ESRRG: variants seen among roughly 807,000 people sequenced by gnomAD.
ESRRG encodes estrogen-related receptor gamma.
Under a neutral mutation model 44.0 loss-of-function variants are expected in ESRRG, and 13 were observed. That is an observed-to-expected ratio of 0.30 (90% CI 0.19 to 0.47). The LOEUF (loss-of-function observed/expected upper bound fraction) is 0.47, where lower values mean the gene tolerates loss of function less well. Among genes scored for constraint, ESRRG ranks in the 20% least tolerant of loss-of-function variants. The pLI is 1.00. For missense variants in ESRRG, 395 were observed against 580.6 expected, an observed-to-expected ratio of 0.68 and a Z score of 3.29; for synonymous variants, 215 against 214.6, an observed-to-expected ratio of 1.00 and a Z score of -0.02.
chr1:216,693,295 G>A (rs2079444239), intron 1 of ESRRG, among the ~76,000 whole-genome samples: 1 of 152,104 alleles, frequency 6.6e-6, no homozygotes, highest in African/African-American at 2.4e-5. Flanking sequence ...AATTTTTTAT[G>A]TGTGTAATTA....
chr1:216,730,751 G>T (rs2088607634), intron 2 of ESRRG, among the ~76,000 whole-genome samples: 1 of 152,128 alleles, frequency 6.6e-6, no homozygotes, highest in South Asian at 2.1e-4. Context: ...AAATTTAAGA[G>T]ATAAGATGAT....
chr1:216,610,015 T>C (rs1574046195), intron 3 of ESRRG, among the ~76,000 whole-genome samples: 6 of 152,332 alleles, frequency 3.9e-5, no homozygotes, highest in Middle Eastern at 6.8e-3. Context: ...AAGTTCACTG[T>C]CACAGAAGGG....
At chr1:216,976,449 G>T (rs760601159) in intron 1 of ESRRG, among the ~76,000 whole-genome samples, 1 of 152,112 alleles carries the variant, frequency 6.6e-6, no homozygotes, top group Non-Finnish European at 1.5e-5. Context: ...GCTATTAGGT[G>T]AATCTCTAAA....
In ESRRG at chr1:216,988,189, C is replaced by T. The variant is rs539684458; in HGVS notation, c.-105-48516G>A. Among the ~76,000 whole-genome samples the T allele has an allele frequency of 1.2e-4, 19 of 152,236 alleles. No homozygotes were observed. The South Asian group carries it at 3.9e-3, about 32-fold the overall frequency. On this transcript the variant is annotated intron_variant, in intron 1 of 7. Coordinates refer to the ESRRG transcript ENST00000359162. ...GAAAGTAAAGGTACATCTAGAGTTG[C>T]ATAATTCCTATTACTTTACTTATTA...
intron 1 of ESRRG, among the ~76,000 whole-genome samples, chr1:217,102,387 T>C (rs1328046506): frequency 2.0e-5 from 3 of 152,178 alleles, no homozygotes; most frequent in Non-Finnish European, 2.9e-5. Flanking sequence ...AATTAATATG[T>C]GTTATCAATA....
chr1:216,544,124 G>A (rs537097807), intron 5 of ESRRG, among the ~76,000 whole-genome samples: 69 of 151,984 alleles, frequency 4.5e-4, no homozygotes, highest in Non-Finnish European at 9.0e-4. Context: ...TCAAATGCAA[G>A]TGAATATTAA....
chr1:216,762,800 C>G (rs925056507), intron 2 of ESRRG, among the ~76,000 whole-genome samples: 9 of 151,890 alleles, frequency 5.9e-5, no homozygotes, highest in Non-Finnish European at 1.0e-4. Context: ...GTTCTTAGGT[C>G]TAAAAACTTA....
At chr1:216,672,108 T>C (rs1286585854) in intron 2 of ESRRG, among the ~76,000 whole-genome samples, 1 of 151,532 alleles carries the variant, frequency 6.6e-6, no homozygotes, top group East Asian at 1.9e-4. Context: ...AAGGCCAAAA[T>C]TGGAATTGGA....
chr1:216,563,071 A>C (rs2059079408), intron 5 of ESRRG, among the ~76,000 whole-genome samples: 1 of 152,224 alleles, frequency 6.6e-6, no homozygotes, highest in Admixed American at 6.5e-5. Context: ...TCTTCTAAAG[A>C]ATATACAAGC....
chr1:216,976,231 C>T (rs1472514505), intron 1 of ESRRG, among the ~76,000 whole-genome samples: 2 of 150,936 alleles, frequency 1.3e-5, no homozygotes, highest in African/African-American at 4.9e-5. Context: ...AATGAGTAAC[C>T]CATTTAAAGC....
intron 2 of ESRRG, among the ~76,000 whole-genome samples, chr1:216,775,295 A>G (rs79373043): frequency 1.3e-3 from 203 of 152,014 alleles, no homozygotes; most frequent in African/African-American, 4.7e-3. Flanking sequence ...CATGCTTATT[A>G]TAGGAATTCA....
chr1:216,969,309 G>C (rs548381378), intron 1 of ESRRG, among the ~76,000 whole-genome samples: 1 of 151,866 alleles, frequency 6.6e-6, no homozygotes, highest in Non-Finnish European at 1.5e-5. Flanking sequence ...TTAAGTATTC[G>C]ATGAATGAAT....
At chr1:216,596,156 T>C (rs978099440) in intron 3 of ESRRG, among the ~76,000 whole-genome samples, 4 of 152,218 alleles carry the variant, frequency 2.6e-5, no homozygotes, top group African/African-American at 9.6e-5. Flanking sequence ...TTTCCCTAAA[T>C]GCTCTAGGTA....
chr1:217,129,703 A>G (rs2092939070), intron 1 of ESRRG, among the ~76,000 whole-genome samples: 1 of 152,234 alleles, frequency 6.6e-6, no homozygotes, highest in Non-Finnish European at 1.5e-5. Context: ...AAGAAGCCAG[A>G]TACAAAAGGC....
intron 2 of ESRRG, among the ~76,000 whole-genome samples, chr1:216,870,974 T>G (rs1323233424): frequency 2.0e-5 from 3 of 151,996 alleles, no homozygotes; most frequent in Admixed American, 6.6e-5. Context: ...TCTTTCTGAT[T>G]TAAACTATTA....
At chr1:216,640,644 G>T (rs998409158) in intron 3 of ESRRG, among the ~76,000 whole-genome samples, 1 of 152,160 alleles carries the variant, frequency 6.6e-6, no homozygotes, top group Non-Finnish European at 1.5e-5. Flanking sequence ...TGGAGTAGAA[G>T]TCTGCATAGC....
rs1411656658 is a variant in ESRRG at position 216,504,938 on chromosome 1, CA to C, written c.*2000del. ...TACTGTAGTCTCCTGAGGAATTGTA[CA>C]TCCAATATTGTCTCTAATTCTACCC... On this transcript the variant is annotated 3_prime_UTR_variant, in exon 7 of 7. Coordinates refer to ENST00000408911, the MANE Select transcript of ESRRG (RefSeq NM_001438.4). The C allele has an allele frequency of 6.6e-6, 1 of 152,534 alleles. No homozygotes were observed. The highest frequency in any genetic ancestry group is 1.5e-5 in the Non-Finnish European group (1 of 68,036). The allele number at this position is 152,534 out of a possible 1,614,324, so 9.4% of individuals were successfully genotyped here.
chr1:217,025,448 T>C (rs532135689), intron 1 of ESRRG, among the ~76,000 whole-genome samples: 56 of 152,338 alleles, frequency 3.7e-4, no homozygotes, highest in African/African-American at 1.3e-3. Flanking sequence ...GGCTTTTGGT[T>C]CTAACTTCTA....
chr1:217,096,810 A>G (rs1208641560), intron 1 of ESRRG, among the ~76,000 whole-genome samples: 2 of 152,162 alleles, frequency 1.3e-5, no homozygotes, highest in African/African-American at 2.4e-5. Context: ...AAGATGTTTT[A>G]GTTATTTTTT....
Sources: gnomAD v4.1 joint callset for allele counts (sites outside exome capture counted in the v4.1 genomes callset) on GRCh38, gnomAD v4.1.1 for gene constraint, MANE v1.5 for transcripts, NCBI Gene and HGNC (gene_info 2026-07-23, HGNC 2026-07-21) for gene names.